Variants in ABTB2 observed in about 807,000 individuals in gnomAD.
ABTB2 encodes the protein ankyrin repeat and BTB/POZ domain-containing protein 2.
ABTB2 carries 56 observed loss-of-function variants against 104.1 expected under a neutral mutation model. That is an observed-to-expected ratio of 0.54 (90% CI 0.43 to 0.67). The LOEUF (loss-of-function observed/expected upper bound fraction) is 0.67, where lower values mean the gene tolerates loss of function less well. Ranked by LOEUF, ABTB2 falls within the 30% of genes least tolerant of loss-of-function variation. ABTB2 has a pLI of 0.00. For synonymous variants in ABTB2, 606 were observed against 608.2 expected (o/e 1.00, Z 0.05); for missense variants, 1,279 against 1,407.7 (o/e 0.91, Z 1.46).
chr11:34,357,742 G>A lies in ABTB2; in HGVS notation c.-159C>T. 2.4e-6 allele frequency: 2 copies of A among 826,772 alleles called. No homozygotes were observed. The highest frequency in any genetic ancestry group is 3.5e-6 in the Non-Finnish European group (2 of 572,134). 51.2% of individuals were successfully genotyped at this position (826,772 alleles called of 1,614,324 possible). On this transcript the variant is annotated 5_prime_UTR_variant, in exon 1 of 17. Coordinates refer to ENST00000435224, the MANE Select transcript of ABTB2 (RefSeq NM_145804.3). ...GCCGCATTGCCTGCCCGGAGGCCGC[G>A]GGAAGGTGGCCGAGATCCGTGGCCA... is the stretch of plus-strand genomic sequence containing the variant.
At chr11:34,228,794 T>C (rs555902454) in intron 1 of ABTB2, among the ~76,000 whole-genome samples, 6 of 152,186 alleles carry the variant, frequency 3.9e-5, no homozygotes, top group Non-Finnish European at 8.8e-5. Flanking sequence ...CAACACTTAT[T>C]ATCTGTCTGT....
chr11:34,202,652 C>T (rs1208492720), intron 2 of ABTB2, among the ~76,000 whole-genome samples: 6 of 151,954 alleles, frequency 3.9e-5, no homozygotes, highest in Non-Finnish European at 7.4e-5. Flanking sequence ...CCAGCCTGGC[C>T]AACATGGTGA....
chr11:34,338,491 G>C (rs1855220532), intron 1 of ABTB2, among the ~76,000 whole-genome samples: 1 of 151,004 alleles, frequency 6.6e-6, no homozygotes, highest in African/African-American at 2.4e-5. Context: ...GAGGTTAAGA[G>C]TTTGAGACCA....
chr11:34,227,037 G>A (rs538057273), intron 1 of ABTB2, among the ~76,000 whole-genome samples: 13 of 152,222 alleles, frequency 8.5e-5, no homozygotes, highest in Non-Finnish European at 1.3e-4. Context: ...CCTCCAGCCT[G>A]AAAAAGACTC....
chr11:34,220,624 GC>G (rs1853608921), intron 1 of ABTB2, among the ~76,000 whole-genome samples: 1 of 152,192 alleles, frequency 6.6e-6, no homozygotes, highest in Non-Finnish European at 1.5e-5. Context: ...GGATGGCAGA[GC>G]AAAAGGCAGA....
At chr11:34,208,686 A>C (rs1590217053) in intron 1 of ABTB2, among the ~76,000 whole-genome samples, 1 of 150,690 alleles carries the variant, frequency 6.6e-6, no homozygotes. Context: ...CAAAGCCTCC[A>C]CCTCCTCTTC....
chr11:34,173,040 G>T, intron 4 of ABTB2, 115 bp downstream of exon 4: 1 of 1,317,326 alleles, frequency 7.6e-7, no homozygotes, highest in Non-Finnish European at 1.1e-6. Context: ...GCTCAAATGT[G>T]CTGCAGCCCC....
chr11:34,344,280 G>A (rs1855302354), intron 1 of ABTB2, among the ~76,000 whole-genome samples: 1 of 152,172 alleles, frequency 6.6e-6, no homozygotes, highest in Non-Finnish European at 1.5e-5. Context: ...TTTATTAAAG[G>A]CTGCTGGCTG....
At chr11:34,236,757 C>G (rs999572285) in intron 1 of ABTB2, among the ~76,000 whole-genome samples, 4 of 152,180 alleles carry the variant, frequency 2.6e-5, no homozygotes, top group Admixed American at 1.3e-4. Flanking sequence ...GGTAGATAAA[C>G]GAAATCGCAT....
At chr11:34,267,133 C>T (rs1007339187) in intron 1 of ABTB2, among the ~76,000 whole-genome samples, 8 of 152,298 alleles carry the variant, frequency 5.3e-5, no homozygotes, top group Non-Finnish European at 1.0e-4. Flanking sequence ...CAGCAGCAGA[C>T]GTGCACGTCG....
intron 1 of ABTB2, among the ~76,000 whole-genome samples, chr11:34,353,822 G>A (rs914812565): frequency 1.3e-5 from 2 of 152,326 alleles, no homozygotes; most frequent in South Asian, 4.1e-4. Context: ...TTAAAGGGAA[G>A]ACCAGCAGGA....
intron 1 of ABTB2, among the ~76,000 whole-genome samples, chr11:34,269,939 T>C (rs1468351126): frequency 6.6e-6 from 1 of 152,204 alleles, no homozygotes; most frequent in African/African-American, 2.4e-5. Flanking sequence ...GTGGACATTA[T>C]CCCCATTTTA....
At chr11:34,338,896 C>T (rs1175340123) in intron 1 of ABTB2, among the ~76,000 whole-genome samples, 2 of 152,270 alleles carry the variant, frequency 1.3e-5, no homozygotes, top group East Asian at 3.9e-4. Context: ...ACAGTAGCAA[C>T]AGTGGCAGTG....
chr11:34,326,900 T>C (rs989070672), intron 1 of ABTB2, among the ~76,000 whole-genome samples: 2 of 152,126 alleles, frequency 1.3e-5, no homozygotes, highest in East Asian at 3.9e-4. Flanking sequence ...TGAAAGCCTG[T>C]CTCTACTAAA....
intron 2 of ABTB2, among the ~76,000 whole-genome samples, chr11:34,199,937 A>G (rs1853315621): frequency 6.6e-6 from 1 of 152,128 alleles, no homozygotes; most frequent in Admixed American, 6.5e-5. Context: ...TCCTTCCAGG[A>G]CTACTGCCTG....
At chr11:34,306,538 C>T (rs1454761337) in intron 1 of ABTB2, among the ~76,000 whole-genome samples, 2 of 152,012 alleles carry the variant, frequency 1.3e-5, no homozygotes, top group African/African-American at 4.8e-5. Context: ...TGAGCCACTG[C>T]GCCCAGACTG....
At chr11:34,254,753 C>T (rs1854100741) in intron 1 of ABTB2, among the ~76,000 whole-genome samples, 1 of 148,452 alleles carries the variant, frequency 6.7e-6, no homozygotes, top group Admixed American at 6.8e-5. Flanking sequence ...CTCACTGCAA[C>T]CTCTACCTCC....
Position 34,162,562 on chromosome 11 carries a change from C to T in ABTB2, c.2218+14G>A. 4 of 1,611,466 alleles carry T rather than the reference C, an allele frequency of 2.5e-6. No individual in the cohort carries two copies. In the East Asian group the frequency reaches 8.9e-5, roughly 36 times the overall value. On this transcript the variant is annotated intron_variant, in intron 10 of 16. Transcript: ENST00000435224. ...CATGCATGGACATGGGTGTGCATGCCCGTGAGGCCTCACCCAGTGCCCTCA... is the reference window on the plus strand; with the variant it reads ...CATGCATGGACATGGGTGTGCATGCTCGTGAGGCCTCACCCAGTGCCCTCA...
chr11:34,152,656 C>T, intron 16 of ABTB2, 72 bp from the exon 17 acceptor site: 1 of 1,436,922 alleles, frequency 7.0e-7, no homozygotes, highest in Non-Finnish European at 9.5e-7. Context: ...CCCCCAAATA[C>T]TACCTACCCA....
Sources: gnomAD v4.1 joint callset for allele counts (sites outside exome capture counted in the v4.1 genomes callset) on GRCh38, gnomAD v4.1.1 for gene constraint, MANE v1.5 for transcripts, NCBI Gene and HGNC (gene_info 2026-07-23, HGNC 2026-07-21) for gene names.